The following GOLGA8M variants were observed in gnomAD, a reference collection of about 807,000 sequenced individuals.
GOLGA8M encodes golgin subfamily A member 8M.
In GOLGA8M, 34 loss-of-function variants were observed where a neutral mutation model predicts 87.7. The observed-to-expected ratio is 0.39, with a 90% CI of 0.29 to 0.52. The LOEUF (loss-of-function observed/expected upper bound fraction) is 0.52. Ranked by LOEUF, GOLGA8M falls within the 20% of genes least tolerant of loss-of-function variation. The pLI is 0.80. For missense variants in GOLGA8M, 396 were observed against 682.2 expected, an observed-to-expected ratio of 0.58 and a Z score of 4.67; for synonymous variants, 138 against 250.2, an observed-to-expected ratio of 0.55 and a Z score of 4.23.
rs1396060917 is a variant in GOLGA8M, at chr15:28,703,263, C to A, written c.1368+56G>T. 38 of 514,102 alleles carry A rather than the reference C, an allele frequency of 7.4e-5. 1 individual carries two copies. The highest frequency in any genetic ancestry group is 2.5e-4 in the Admixed American group (6 of 23,960). The allele number at this position is 514,102 out of a possible 1,614,324, so 31.8% of individuals were successfully genotyped here. ...AGGGAAACGAAGAGCATAAAGGGGT[C>A]TTGGAGGGACCACAGAGAAAGGTGG... On this transcript the variant is annotated intron_variant, in intron 15 of 18. Coordinates refer to ENST00000563027, the MANE Select transcript of GOLGA8M (RefSeq NM_001282468.3).
At chr15:28,704,318 G>C (rs927582294) in intron 13 of GOLGA8M, among the ~76,000 whole-genome samples, 20 of 147,404 alleles carry the variant, frequency 1.4e-4, no homozygotes, top group African/African-American at 4.7e-4. Context: ...ATAGGGTAGC[G>C]AGGGCACTGT....
At position 28,707,994 on chromosome 15, in the gene GOLGA8M, G is replaced by A. The variant is rs982304479; in HGVS notation, c.440C>T (p.Thr147Met). 1.0e-5 allele frequency: 16 copies of A among 1,596,122 alleles called. No individual in the cohort carries two copies. The highest frequency in any genetic ancestry group is 3.9e-4 in the Middle Eastern group (2 of 5,082). Residue 147 changes from threonine (T) to methionine (M), a missense_variant, in exon 7 of 19, where the codon ACG (threonine) becomes ATG (methionine). Thr to Met is a moderately conservative substitution (Grantham distance 81). Transcript: ENST00000563027. ...TLNIQKEELN[T>M]DLYHMKRSLR... Reference sequence around the variant, plus strand: ...AGAACGTTTCATGTGGTACAGGTCCGTATTTAGTTCCTCTTTCTGTATGTT... The same window carrying A: ...AGAACGTTTCATGTGGTACAGGTCCATATTTAGTTCCTCTTTCTGTATGTT...
chr15:28,707,359 T>C (rs1447683288), intron 8 of GOLGA8M, among the ~76,000 whole-genome samples: 1,342 of 113,198 alleles, frequency 0.012, 8 homozygotes, highest in African/African-American at 0.021. Flanking sequence ...TCATAGTATG[T>C]ACACACACAC....
At position 28,702,825 on chromosome 15, in the gene GOLGA8M, G is replaced by T. The variant is rs531497190; in HGVS notation, c.1369-80C>A. On this transcript the variant is annotated intron_variant, in intron 15 of 18. Transcript: ENST00000563027. ...TTTTCAAGTCATGGAGAAGGTGGAG[G>T]TGAGTCCTGGCATGGGCCAGCTTCT... is the stretch of plus-strand genomic sequence containing the variant. The T allele has an allele frequency of 1.2e-3, 1,910 of 1,572,216 alleles. 32 individuals carry two copies. The African/African-American group carries it at 0.023, about 19-fold the overall frequency.
At chr15:28,712,583 ATG>A (rs1491459151), upstream of GOLGA8M, among the ~76,000 whole-genome samples, 5 of 142,910 alleles carry the variant, frequency 3.5e-5, no homozygotes, top group African/African-American at 1.3e-4. Context: ...AAAGCTGCCC[ATG>A]CGACCGCTCT....
chr15:28,702,851 C>T (rs1460613005), intron 15 of GOLGA8M, 106 bp from the exon 16 acceptor site: 5 of 1,555,928 alleles, frequency 3.2e-6, no homozygotes, highest in South Asian at 1.1e-5. Flanking sequence ...GCCAGCTTCT[C>T]CGTGACTTCC....
rs756593331 is a variant in GOLGA8M, at chr15:28,702,335, C to T, written c.1602G>A (p.Ala534=). 7.4e-5 allele frequency: 113 copies of T among 1,529,234 alleles called. No individual in the cohort carries two copies. Among genetic ancestry groups the T allele is most frequent in the East Asian group, 2.0e-4 (8 of 40,410 alleles). The allele number at this position is 1,529,234 out of a possible 1,614,324, so 94.7% of individuals were successfully genotyped here. The change falls in exon 18 of 19, where the codon GCG becomes GCA. Residue 534 remains alanine, a synonymous_variant. Transcript: ENST00000563027. ...EAAGAAADGI[A]AYSNYNNGHR... is the part of the protein sequence containing the mutation. ...GCCCATTGTTGTAGTTGCTGTAAGC[C>T]GCAATACCATCTGCTGCAGCTCCAG...
chr15:28,708,667 G>C (rs2080113345), intron 4 of GOLGA8M, among the ~76,000 whole-genome samples: 2 of 151,122 alleles, frequency 1.3e-5, no homozygotes. Context: ...TAAACCTCTA[G>C]AGATGGAGTT....
rs1254292346 is a variant in GOLGA8M at position 28,702,093 on chromosome 15, C to A, written c.1760G>T (p.Gly587Val). ...AAGGAGAGGATCCTCCCTGGCCTCT[C>A]CTTGGGCAGAGGAGGTGAGGCTCAC... ...CEVSLTSSAQ[G>V]EAREDPLLDK... The change falls in exon 19 of 19, where the codon GGA becomes GTA. Residue 587 changes from glycine (G) to valine (V), a missense_variant. Coordinates refer to ENST00000563027, the MANE Select transcript of GOLGA8M (RefSeq NM_001282468.3). The A allele has an allele frequency of 9.4e-6, 15 of 1,588,406 alleles. No individual in the cohort carries two copies. The highest frequency in any genetic ancestry group is 1.3e-5 in the Non-Finnish European group (15 of 1,175,842).
In GOLGA8M at chr15:28,702,472, T is replaced by A. The variant is rs752470535; in HGVS notation, c.1560A>T (p.Gly520=). 1.3e-4 allele frequency: 178 copies of A among 1,352,152 alleles called. No homozygotes were observed. The highest frequency in any genetic ancestry group is 2.7e-4 in the Middle Eastern group (1 of 3,732). 83.8% of individuals were successfully genotyped at this position (1,352,152 alleles called of 1,614,324 possible). Residue 520 remains glycine (G), a synonymous_variant, in exon 17 of 19, where the codon GGA becomes GGT. Transcript: ENST00000563027. ...GGHHQAGAQG[G]DEGEAAGAAA... ...AGATGTTGCACACCCTACCTTCATCTCCTCCCTGAGCTCCAGCCTGATGGT... is the reference window on the plus strand; with the variant it reads ...AGATGTTGCACACCCTACCTTCATCACCTCCCTGAGCTCCAGCCTGATGGT...
chr15:28,710,265 G>C (rs954749298), intron 2 of GOLGA8M, among the ~76,000 whole-genome samples: 3 of 151,954 alleles, frequency 2.0e-5, no homozygotes, highest in African/African-American at 7.3e-5. Context: ...TTTTAGTAGA[G>C]ACAGGGTTTC....
At position 28,701,274 on chromosome 15, in the gene GOLGA8M, A is replaced by T. The variant is rs1444424245; in HGVS notation, c.*680T>A. On this transcript the variant is annotated 3_prime_UTR_variant, in exon 19 of 19. Transcript: ENST00000563027. Reference sequence around the variant, plus strand: ...CCTGGCACCGGAACAGATGAAACACACTCTATCCTGCACATACCTGCCAGA... The same window carrying T: ...CCTGGCACCGGAACAGATGAAACACTCTCTATCCTGCACATACCTGCCAGA... 7.9e-5 allele frequency among the ~76,000 whole-genome samples: 12 copies of T among 151,112 alleles called. No individual in the cohort carries two copies. The highest frequency in any genetic ancestry group is 4.2e-4 in the South Asian group (2 of 4,762).
Position 28,701,174 on chromosome 15 carries a change from G to C in GOLGA8M, c.*780C>G, listed in dbSNP as rs2079775891. On this transcript the variant is annotated 3_prime_UTR_variant, in exon 19 of 19. Coordinates refer to ENST00000563027, the MANE Select transcript of GOLGA8M (RefSeq NM_001282468.3). ...ATCGAAAAAGAGTACAACTGCTGCA[G>C]CTCATGATGCAGTATCTTCATGAGC... 6.6e-6 allele frequency among the ~76,000 whole-genome samples: 1 copy of C among 152,016 alleles called. No individual in the cohort carries two copies. The highest frequency in any genetic ancestry group is 6.6e-5 in the Admixed American group (1 of 15,264).
intron 15 of GOLGA8M, chr15:28,703,013 C>G (rs2079863021): frequency 1.0e-6 from 1 of 954,912 alleles, no homozygotes; most frequent in Non-Finnish European, 1.2e-6. Flanking sequence ...GCTCTTGTAA[C>G]TGTGCCTGCT....
In GOLGA8M at chr15:28,705,148, G is replaced by A. The variant is rs533526506; in HGVS notation, c.1200+11C>T. ...CTTCTTGGATGGGGTGGAGGTTTCC[G>A]ACTCCTTCACCTCGCCAAGCTTCTC... On this transcript the variant is annotated intron_variant, in intron 13 of 18. Transcript: ENST00000563027. The A allele has an allele frequency of 8.5e-4, 1,362 of 1,598,280 alleles. 7 individuals carry two copies. The African/African-American group carries it at 0.016, about 19-fold the overall frequency.
Position 28,705,705 on chromosome 15 carries a change from G to A in GOLGA8M, c.909C>T (p.Pro303=). Residue 303 remains proline (P), a synonymous_variant, in exon 12 of 19, where the codon CCC becomes CCT. Transcript: ENST00000563027. ...TCAGGTGCTGCAGCTCCACCTCAGAGGGCACTGCTGGGGGCTCCGGGGGCA... is the reference window on the plus strand; with the variant it reads ...TCAGGTGCTGCAGCTCCACCTCAGAAGGCACTGCTGGGGGCTCCGGGGGCA... ...EPLPPEPPAV[P]SEVELQHLRK... 7 of 1,579,842 alleles carry A rather than the reference G, an allele frequency of 4.4e-6. No individual in the cohort carries two copies. Among genetic ancestry groups the A allele is most frequent in the Non-Finnish European group, 6.0e-6 (7 of 1,176,164 alleles).
chr15:28,705,622 C>A lies in GOLGA8M; in HGVS notation c.992G>T (p.Arg331Leu). ...ELQAQVKNNQ[R>L]ISLLNQRQEE... ...TTGTCGCTGGTTCAGGAGACTTATG[C>A]GCTGATTGTTTTTGACCTGGGCCTG... The change falls in exon 12 of 19, where the codon CGC becomes CTC. Residue 331 changes from arginine to leucine, a missense_variant. Arg to Leu is a moderately radical substitution (Grantham distance 102). Coordinates refer to ENST00000563027, the MANE Select transcript of GOLGA8M (RefSeq NM_001282468.3). 1 of 1,588,356 alleles carries A rather than the reference C, an allele frequency of 6.3e-7. No individual in the cohort carries two copies. Among genetic ancestry groups the A allele is most frequent in the Non-Finnish European group, 8.5e-7 (1 of 1,178,548 alleles).
At chr15:28,704,196 T>C (rs1370842326) in intron 13 of GOLGA8M, among the ~76,000 whole-genome samples, 1 of 145,018 alleles carries the variant, frequency 6.9e-6, no homozygotes, top group African/African-American at 2.6e-5. Flanking sequence ...ACCCAGGTAA[T>C]GGTCTGGCTG....
upstream of GOLGA8M, among the ~76,000 whole-genome samples, chr15:28,712,741 T>G (rs1244719299): frequency 6.6e-6 from 1 of 152,228 alleles, no homozygotes; most frequent in Non-Finnish European, 1.5e-5. Context: ...ATCTATGTTT[T>G]TCTCCATAGC....
Sources: allele counts gnomAD v4.1 joint callset (sites outside exome capture counted in the v4.1 genomes callset), GRCh38; gene constraint gnomAD v4.1.1; transcripts MANE v1.5; gene names NCBI Gene and HGNC (gene_info 2026-07-23, HGNC 2026-07-21).